BIVM: variants seen among roughly 807,000 people sequenced by gnomAD.
BIVM encodes basic immunoglobulin-like variable motif-containing protein.
BIVM carries 31 observed loss-of-function variants against 61.4 expected under a neutral mutation model. The observed-to-expected ratio is 0.51, with a 90% confidence interval of 0.38 to 0.68. BIVM has a LOEUF of 0.68. Among genes scored for constraint, BIVM ranks in the 30% least tolerant of loss-of-function variants. BIVM has a pLI of 0.00. For synonymous variants in BIVM, 189 were observed against 210.7 expected (o/e 0.90, Z 0.89); for missense variants, 526 against 596.0 (o/e 0.88, Z 1.22).
At chr13:102,803,728 G>T (rs1318706324) in intron 1 of BIVM, among the ~76,000 whole-genome samples, 2 of 149,358 alleles carry the variant, frequency 1.3e-5, no homozygotes, top group African/African-American at 2.5e-5. Context: ...TCCTCACCTC[G>T]CACAGCCCAC....
At chr13:102,825,996 TG>T (rs1880640318) in intron 7 of BIVM, among the ~76,000 whole-genome samples, 1 of 152,172 alleles carries the variant, frequency 6.6e-6, no homozygotes, top group African/African-American at 2.4e-5. Flanking sequence ...CTTACTCATT[TG>T]TGCATCACAG....
chr13:102,821,266 T>A, intron 5 of BIVM, 134 bp downstream of exon 5: 1 of 772,148 alleles, frequency 1.3e-6, no homozygotes, highest in Non-Finnish European at 2.0e-6. Flanking sequence ...TGTAAGTCTT[T>A]TAGCTTAAAA....
At chr13:102,828,404 A>G (rs1880822699) in intron 7 of BIVM, among the ~76,000 whole-genome samples, 1 of 152,148 alleles carries the variant, frequency 6.6e-6, no homozygotes, top group Admixed American at 6.6e-5. Context: ...ATTGCAGTTC[A>G]TAACTTTTGC....
At chr13:102,838,502 G>A (rs61966043) in intron 9 of BIVM, 141 bp from the exon 10 acceptor site, 27,227 of 655,608 alleles carry the variant, frequency 0.042, 738 homozygotes, top group Non-Finnish European at 0.051. Context: ...CAGTTTAGTA[G>A]ATGAAACAAT....
In BIVM at chr13:102,835,949, A is replaced by G. The variant is rs555518406; in HGVS notation, c.1121+1397A>G. On this transcript the variant is annotated intron_variant, in intron 9 of 10. Coordinates refer to ENST00000257336, the MANE Select transcript of BIVM (RefSeq NM_017693.4). ...CAATGTCATCCATGTTTTAGCATGG[A>G]TTAGAACTTCATTCCTTTATATGGC... is the stretch of plus-strand genomic sequence containing the variant. Among the ~76,000 whole-genome samples the G allele has an allele frequency of 7.5e-4, 114 of 152,362 alleles. 1 individual carries two copies. Among genetic ancestry groups the G allele is most frequent in the African/African-American group, 2.7e-3 (111 of 41,580 alleles).
At chr13:102,826,043 A>G (rs1467341713) in intron 7 of BIVM, among the ~76,000 whole-genome samples, 1 of 152,148 alleles carries the variant, frequency 6.6e-6, no homozygotes, top group Non-Finnish European at 1.5e-5. Context: ...GAGTTAATTT[A>G]ATGAATTCGC....
intron 1 of BIVM, chr13:102,801,740 T>A (rs1392629693): frequency 6.6e-6 from 1 of 152,222 alleles, no homozygotes; most frequent in African/African-American, 2.4e-5. Flanking sequence ...GATGCAGACG[T>A]TGATCATATG....
rs201493075 is a variant in BIVM, at chr13:102,831,528, T to C, written c.902-37T>C. ...TGTGTAAAGCATGGACACTGCTTTA[T>C]GGGCTTTCAGTTTGTGTGTTTGTTT... On this transcript the variant is annotated intron_variant, in intron 7 of 10. Transcript: ENST00000257336. The C allele has an allele frequency of 8.7e-5, 141 of 1,613,372 alleles. 1 individual carries two copies. The African/African-American group carries it at 1.6e-3, about 19-fold the overall frequency.
chr13:102,816,800 A>T (rs944983285), intron 4 of BIVM: 4 of 223,414 alleles, frequency 1.8e-5, no homozygotes, highest in Admixed American at 5.8e-5. Flanking sequence ...CGTAACTGCC[A>T]TGTAGATTTA....
Position 102,839,924 on chromosome 13 carries a change from TAA to T in BIVM, c.*61_*62del, listed in dbSNP as rs1881722606. On this transcript the variant is annotated 3_prime_UTR_variant, in exon 11 of 11. Transcript: ENST00000257336. The stretch of plus-strand genomic sequence containing the variant: ...TGAAACTGCTATATACAGGACTGTA[TAA>T]AGACAGTAGAAGATTTTAGTAAGCC... The T allele has an allele frequency of 2.7e-6, 4 of 1,497,128 alleles. No homozygotes were observed. The Admixed American group carries it at 8.5e-5, about 32-fold the overall frequency. The allele number at this position is 1,497,128 out of a possible 1,614,324, so 92.7% of individuals were successfully genotyped here.
chr13:102,831,455 G>T, intron 7 of BIVM, 110 bp from the exon 8 acceptor site: 1 of 1,481,194 alleles, frequency 6.8e-7, no homozygotes, highest in Non-Finnish European at 9.1e-7. Flanking sequence ...CAGTGTCAGT[G>T]TATTCCAAGT....
chr13:102,810,664 C>T (rs1370941548), intron 3 of BIVM, among the ~76,000 whole-genome samples: 1 of 152,180 alleles, frequency 6.6e-6, no homozygotes, highest in African/African-American at 2.4e-5. Context: ...ATGTATTAAT[C>T]TCTTAAATAA....
At chr13:102,823,232 A>C (rs1461015290) in intron 7 of BIVM, among the ~76,000 whole-genome samples, 1 of 152,214 alleles carries the variant, frequency 6.6e-6, no homozygotes, top group Non-Finnish European at 1.5e-5. Flanking sequence ...TAGAGGGTAT[A>C]TGGTTTACCA....
chr13:102,827,275 C>CTTTTTTTTTTTTTTT (rs34135564), intron 7 of BIVM, among the ~76,000 whole-genome samples: 1 of 139,362 alleles, frequency 7.2e-6, no homozygotes, highest in Admixed American at 7.2e-5. Flanking sequence ...GTCCCAATGA[C>CTTTTTTTTTTTTTTT]TTTTTTTTTT....
At chr13:102,830,224 C>T (rs1955567430) in intron 7 of BIVM, among the ~76,000 whole-genome samples, 1 of 152,166 alleles carries the variant, frequency 6.6e-6, no homozygotes, top group Non-Finnish European at 1.5e-5. Flanking sequence ...GTTCCATCTT[C>T]CCTACTAATG....
intron 8 of BIVM, 147 bp downstream of exon 8, chr13:102,831,844 A>ATAG: frequency 1.5e-6 from 1 of 674,852 alleles, no homozygotes; most frequent in Non-Finnish European, 2.2e-6. Flanking sequence ...CCTGGCTAAC[A>ATAG]CGGTGAAACC....
At chr13:102,830,249 T>A (rs1439611657) in intron 7 of BIVM, among the ~76,000 whole-genome samples, 1 of 152,214 alleles carries the variant, frequency 6.6e-6, no homozygotes, top group Non-Finnish European at 1.5e-5. Context: ...TGAGGGACCG[T>A]GCATCACTCC....
At chr13:102,812,383 T>TTTTG (rs1879560102) in intron 3 of BIVM, among the ~76,000 whole-genome samples, 1 of 152,218 alleles carries the variant, frequency 6.6e-6, no homozygotes, top group South Asian at 2.1e-4. Flanking sequence ...TTATATATTT[T>TTTTG]TTTGTTTCTT....
intron 9 of BIVM, among the ~76,000 whole-genome samples, chr13:102,836,930 A>C (rs920813090): frequency 6.6e-6 from 1 of 152,170 alleles, no homozygotes; most frequent in African/African-American, 2.4e-5. Context: ...TTTCCATAAA[A>C]ATTTTAGAAT....
Sources: allele counts gnomAD v4.1 joint callset (sites outside exome capture counted in the v4.1 genomes callset), GRCh38; gene constraint gnomAD v4.1.1; transcripts MANE v1.5; gene names NCBI Gene and HGNC (gene_info 2026-07-23, HGNC 2026-07-21).